The following DNM3 variants were observed in gnomAD, a reference collection of about 807,000 sequenced individuals.
The protein encoded by DNM3 is dynamin 3, also known as dynamin-3.
Under a neutral mutation model 101.6 loss-of-function variants are expected in DNM3, and 47 were observed. The observed-to-expected ratio is 0.46, with a 90% CI of 0.37 to 0.59. The LOEUF is 0.59. Among genes scored for constraint, DNM3 ranks in the 20% least tolerant of loss-of-function variants. The probability of loss-of-function intolerance (pLI) is 0.00; values close to 1 mark genes in which losing one functional copy is unlikely to be tolerated. For synonymous variants in DNM3, 385 were observed against 387.9 expected, an observed-to-expected ratio of 0.99 and a Z score of 0.09; for missense variants, 849 against 1,085.7, an observed-to-expected ratio of 0.78 and a Z score of 3.06.
chr1:171,932,091 C>T (rs2041067901), intron 2 of DNM3, among the ~76,000 whole-genome samples: 1 of 133,198 alleles, frequency 7.5e-6, no homozygotes, highest in Non-Finnish European at 1.6e-5. Flanking sequence ...TCCCTCCCTT[C>T]CTCCCTTCTT....
At chr1:171,882,704 C>G (rs1179728829) in intron 1 of DNM3, among the ~76,000 whole-genome samples, 14 of 151,996 alleles carry the variant, frequency 9.2e-5, no homozygotes, top group Admixed American at 9.2e-4. Context: ...GGAATAATCT[C>G]GTAACTCCAT....
At chr1:172,353,653 A>G (rs1014029393) in intron 17 of DNM3, among the ~76,000 whole-genome samples, 25 of 152,088 alleles carry the variant, frequency 1.6e-4, no homozygotes, top group African/African-American at 6.0e-4. Context: ...GGAAACTTGA[A>G]TTTTCATTTT....
chr1:172,044,340 C>T, intron 8 of DNM3, 45 bp from the exon 9 acceptor site: 2 of 1,487,836 alleles, frequency 1.3e-6, no homozygotes, highest in South Asian at 2.5e-5. Flanking sequence ...CAATATTATT[C>T]AAAGGAATTA....
intron 15 of DNM3, among the ~76,000 whole-genome samples, chr1:172,300,239 T>C (rs1483651302): frequency 1.3e-5 from 2 of 152,178 alleles, no homozygotes; most frequent in South Asian, 4.1e-4. Flanking sequence ...GGGTTATTTG[T>C]TTTTCACTTA....
chr1:171,872,915 A>G (rs1400504689), intron 1 of DNM3, among the ~76,000 whole-genome samples: 1 of 152,222 alleles, frequency 6.6e-6, no homozygotes, highest in Non-Finnish European at 1.5e-5. Flanking sequence ...TTGTAAAAAC[A>G]TGAACTGTAA....
intron 13 of DNM3, among the ~76,000 whole-genome samples, chr1:172,116,065 C>A (rs2055868211): frequency 6.6e-6 from 1 of 152,146 alleles, no homozygotes; most frequent in South Asian, 2.1e-4. Context: ...AATATTTAGA[C>A]TCAGCTTATC....
chr1:172,063,071 G>T (rs1367786176), intron 10 of DNM3, among the ~76,000 whole-genome samples: 1 of 152,128 alleles, frequency 6.6e-6, no homozygotes, highest in African/African-American at 2.4e-5. Flanking sequence ...AGCATTTAAA[G>T]GTTTATAGCT....
chr1:172,261,463 CT>C (rs1249213833), intron 15 of DNM3, among the ~76,000 whole-genome samples: 8 of 152,198 alleles, frequency 5.3e-5, no homozygotes, highest in African/African-American at 1.9e-4. Flanking sequence ...AAAAGTTTTG[CT>C]GAGTACTATA....
intron 14 of DNM3, among the ~76,000 whole-genome samples, chr1:172,185,337 T>C (rs2059486632): frequency 6.6e-6 from 1 of 152,106 alleles, no homozygotes; most frequent in Non-Finnish European, 1.5e-5. Context: ...GGAGTAGAAT[T>C]GGAATGCAGA....
chr1:172,395,016 T>C (rs938064249), intron 20 of DNM3, among the ~76,000 whole-genome samples: 2 of 152,184 alleles, frequency 1.3e-5, no homozygotes, highest in Admixed American at 1.3e-4. Context: ...ACCTTCACAT[T>C]CAGACAGTTC....
intron 2 of DNM3, among the ~76,000 whole-genome samples, chr1:171,926,483 C>G (rs2040581258): frequency 6.6e-6 from 1 of 152,148 alleles, no homozygotes. Context: ...CTATTCTTTC[C>G]TCACTGTAGG....
chr1:171,887,667 G>A (rs551446634), intron 1 of DNM3, among the ~76,000 whole-genome samples: 11 of 151,486 alleles, frequency 7.3e-5, no homozygotes, highest in South Asian at 2.1e-4. Flanking sequence ...ATTCTTTCAC[G>A]TGGTTCAAAA....
chr1:171,942,705 T>C (rs1428035072), intron 2 of DNM3, among the ~76,000 whole-genome samples: 2 of 152,206 alleles, frequency 1.3e-5, no homozygotes, highest in Non-Finnish European at 2.9e-5. Flanking sequence ...GTAAGGGAAC[T>C]GGGAGTACTG....
chr1:171,851,443 T>A (rs1448021322), intron 1 of DNM3, among the ~76,000 whole-genome samples: 3 of 152,198 alleles, frequency 2.0e-5, no homozygotes, highest in Non-Finnish European at 4.4e-5. Context: ...AGAGTCTCGC[T>A]CTGTCGTCCC....
At chr1:172,010,432 T>C (rs1188767350) in intron 4 of DNM3, among the ~76,000 whole-genome samples, 2 of 151,794 alleles carry the variant, frequency 1.3e-5, no homozygotes, top group Non-Finnish European at 2.9e-5. Context: ...GTTATTGCCT[T>C]TATTTTTAAA....
intron 12 of DNM3, among the ~76,000 whole-genome samples, chr1:172,089,980 A>G (rs573035806): frequency 1.3e-5 from 2 of 152,328 alleles, no homozygotes; most frequent in East Asian, 3.9e-4. Context: ...ACTGAAGTCC[A>G]TTTTGATCAA....
Position 172,081,922 on chromosome 1 carries a change from GCCACATGCATT to G in DNM3, c.1493+23_1493+33del, listed in dbSNP as rs2053177140. 1 of 1,608,812 alleles carries G rather than the reference GCCACATGCATT, an allele frequency of 6.2e-7. No individual in the cohort carries two copies. The highest frequency in any genetic ancestry group is 1.3e-5 in the African/African-American group (1 of 74,794). ...CGCAAAGTACGTGAAACACTTGATG[GCCACATGCATT>G]CCTCCTGTTGATTTGTCTCAAACAC... On this transcript the variant is annotated intron_variant, in intron 12 of 20. Coordinates refer to ENST00000627582, the MANE Select transcript of DNM3 (RefSeq NM_015569.5).
chr1:171,933,018 G>A (rs1323058933), intron 2 of DNM3, among the ~76,000 whole-genome samples: 1 of 152,006 alleles, frequency 6.6e-6, no homozygotes, highest in Admixed American at 6.6e-5. Context: ...TAATCAGTGA[G>A]GATCATAGCA....
At chr1:172,040,408 A>T (rs2049288615) in intron 7 of DNM3, among the ~76,000 whole-genome samples, 1 of 152,058 alleles carries the variant, frequency 6.6e-6, no homozygotes, top group Non-Finnish European at 1.5e-5. Context: ...TTAGATTTTG[A>T]ATTTGAAAGT....
Sources: allele counts gnomAD v4.1 joint callset (sites outside exome capture counted in the v4.1 genomes callset), GRCh38; gene constraint gnomAD v4.1.1; transcripts MANE v1.5; gene names NCBI Gene and HGNC (gene_info 2026-07-23, HGNC 2026-07-21).